PARP8: variants seen among roughly 807,000 people sequenced by gnomAD.
PARP8 encodes the protein poly(ADP-ribose) polymerase family member 8, also known as protein mono-ADP-ribosyltransferase PARP8.
A neutral mutation model predicts 124.1 loss-of-function variants in PARP8; 51 were observed. The ratio of observed to expected loss-of-function variants is 0.41; its 90% CI spans 0.33 to 0.52. The LOEUF is 0.52. Among genes scored for constraint, PARP8 ranks in the 20% least tolerant of loss-of-function variants. The probability of loss-of-function intolerance (pLI) is 0.21; values close to 1 mark genes in which losing one functional copy is unlikely to be tolerated. For synonymous variants in PARP8, 391 were observed against 361.5 expected, an observed-to-expected ratio of 1.08 and a Z score of -0.93; for missense variants, 860 against 1,018.9, an observed-to-expected ratio of 0.84 and a Z score of 2.12.
At chr5:50,788,941 C>A (rs1561382102) in intron 10 of PARP8, among the ~76,000 whole-genome samples, 1 of 152,032 alleles carries the variant, frequency 6.6e-6, no homozygotes, top group Non-Finnish European at 1.5e-5. Context: ...GCTCTGGTTT[C>A]CTTCCTAGGA....
At position 50,826,734 on chromosome 5, in the gene PARP8, A is replaced by T. The variant is rs182264432; in HGVS notation, c.1929-21A>T. ...ATATATTTGGCATGTATTTGTGACT[A>T]ATGGATCATTTTAATTTCAGGGTTA... On this transcript the variant is annotated intron_variant, in intron 18 of 25. Transcript: ENST00000281631. The T allele has an allele frequency of 1.1e-4, 168 of 1,575,456 alleles. No homozygotes were observed. The East Asian group carries it at 3.7e-3, about 35-fold the overall frequency.
intron 3 of PARP8, among the ~76,000 whole-genome samples, chr5:50,754,146 T>TATATATATAC (rs1561331500): frequency 4.7e-5 from 1 of 21,424 alleles, no homozygotes; most frequent in Non-Finnish European, 1.1e-4. Flanking sequence ...TATATATATA[T>TATATATATAC]ATATACACAC....
intron 7 of PARP8, among the ~76,000 whole-genome samples, chr5:50,770,179 T>C (rs1761460518): frequency 6.6e-6 from 1 of 152,184 alleles, no homozygotes; most frequent in Non-Finnish European, 1.5e-5. Flanking sequence ...TACTTAACTA[T>C]TTCCTTATTA....
chr5:50,808,200 C>T (rs999374596), intron 14 of PARP8, among the ~76,000 whole-genome samples: 5 of 151,568 alleles, frequency 3.3e-5, no homozygotes, highest in African/African-American at 7.3e-5. Flanking sequence ...ATCAAAAATG[C>T]GTCTGTGACC....
intron 3 of PARP8, among the ~76,000 whole-genome samples, chr5:50,754,832 C>T (rs924653473): frequency 2.0e-5 from 3 of 152,148 alleles, no homozygotes; most frequent in Non-Finnish European, 4.4e-5. Context: ...TCTCCACATC[C>T]TCTCCAGCAC....
chr5:50,709,809 G>C (rs1330337288), intron 2 of PARP8, among the ~76,000 whole-genome samples: 2 of 150,586 alleles, frequency 1.3e-5, no homozygotes, highest in African/African-American at 4.9e-5. Flanking sequence ...AATAGACAAA[G>C]AGTCAGAGAT....
In PARP8 at chr5:50,794,908, G is replaced by A; in HGVS notation, c.919G>A (p.Glu307Lys). Residue 307 changes from glutamate to lysine, a missense_variant, in exon 12 of 26, where the codon GAG becomes AAG. By Grantham distance (56) the Glu-to-Lys change is moderately conservative. This residue lies in a region of PARP8 where 517 missense variants were observed against 544.2 expected (regional missense o/e 0.95). Coordinates refer to ENST00000281631, the MANE Select transcript of PARP8 (RefSeq NM_024615.4). Reference sequence around the variant, plus strand: ...CAAAAGCAAATCCAAACTGAAATCTGAGCAGGACGGAATCTCCAAAACGCA... The same window carrying A: ...CAAAAGCAAATCCAAACTGAAATCTAAGCAGGACGGAATCTCCAAAACGCA... ...CGKSKSKLKS[E>K]QDGISKTHKL... 6.2e-7 allele frequency: 1 copy of A among 1,614,168 alleles called. No individual in the cohort carries two copies. Among genetic ancestry groups the A allele is most frequent in the South Asian group, 1.1e-5 (1 of 91,076 alleles).
intron 17 of PARP8, among the ~76,000 whole-genome samples, chr5:50,823,434 A>T (rs1745990901): frequency 6.6e-6 from 1 of 152,208 alleles, no homozygotes; most frequent in African/African-American, 2.4e-5. Context: ...CCTTTAATTC[A>T]CAAATGTTAT....
At position 50,837,919 on chromosome 5, in the gene PARP8, C is replaced by G. The variant is rs184863980; in HGVS notation, c.2462+2904C>G. Among the ~76,000 whole-genome samples, 50 of 152,054 alleles carry G rather than the reference C, an allele frequency of 3.3e-4. 1 individual carries two copies. In the East Asian group the frequency reaches 7.2e-3, roughly 22 times the overall value. Reference sequence around the variant, plus strand: ...ATAGATCAGATGTTATGAACAGATCCAAGCCAATTCCTAGTTTCTAGAAAC... The same window carrying G: ...ATAGATCAGATGTTATGAACAGATCGAAGCCAATTCCTAGTTTCTAGAAAC... On this transcript the variant is annotated intron_variant, in intron 25 of 25. Coordinates refer to ENST00000281631, the MANE Select transcript of PARP8 (RefSeq NM_024615.4).
At chr5:50,812,997 C>G (rs1304827225) in intron 14 of PARP8, among the ~76,000 whole-genome samples, 2 of 151,652 alleles carry the variant, frequency 1.3e-5, no homozygotes, top group African/African-American at 2.4e-5. Flanking sequence ...GTTACTGTAG[C>G]CTTGTAGTAT....
rs1229690756 is a variant in PARP8 at position 50,679,656 on chromosome 5, C to T, written c.146+11531C>T. ...AGTGGCGCATCCTGGTTTTACCCAA[C>T]AGGCAAGTGGTGACTCCAATGCAGG... On this transcript the variant is annotated intron_variant, in intron 2 of 25. Coordinates refer to ENST00000281631, the MANE Select transcript of PARP8 (RefSeq NM_024615.4). 4.6e-5 allele frequency among the ~76,000 whole-genome samples: 7 copies of T among 152,214 alleles called. No individual in the cohort carries two copies. In the East Asian group the frequency reaches 1.4e-3, roughly 29 times the overall value.
chr5:50,828,172 G>A, intron 20 of PARP8, 116 bp downstream of exon 20: 2 of 1,112,550 alleles, frequency 1.8e-6, no homozygotes, highest in South Asian at 2.7e-5. Flanking sequence ...TCATTCAACA[G>A]ATGGTCATGT....
chr5:50,772,111 C>G (rs1200592851), intron 7 of PARP8, among the ~76,000 whole-genome samples: 1 of 152,146 alleles, frequency 6.6e-6, no homozygotes, highest in African/African-American at 2.4e-5. Context: ...GTTTGTCTTT[C>G]TTTTCCTGGC....
chr5:50,742,673 G>A lies in PARP8; in HGVS notation c.147-7478G>A, dbSNP rs189432252. Among the ~76,000 whole-genome samples, 173 of 152,306 alleles carry A rather than the reference G, an allele frequency of 1.1e-3. 1 individual carries two copies. The highest frequency in any genetic ancestry group is 4.0e-3 in the African/African-American group (168 of 41,568). On this transcript the variant is annotated intron_variant, in intron 2 of 25. Coordinates refer to ENST00000281631, the MANE Select transcript of PARP8 (RefSeq NM_024615.4). Reference sequence around the variant, plus strand: ...AAAGTAAGGGGGTTTATGAAGAATGGGTTTCTCAGGTTACTGAGCAGAGTT... The same window carrying A: ...AAAGTAAGGGGGTTTATGAAGAATGAGTTTCTCAGGTTACTGAGCAGAGTT...
At position 50,795,216 on chromosome 5, in the gene PARP8, G is replaced by T. The variant is rs1742401087; in HGVS notation, c.1227G>T (p.Arg409Ser). The T allele has an allele frequency of 1.2e-6, 2 of 1,614,004 alleles. No individual in the cohort carries two copies. The highest frequency in any genetic ancestry group is 1.7e-6 in the Non-Finnish European group (2 of 1,180,020). ...TNLKPHKLLS[R>S]SYSSNLRMEE... The stretch of plus-strand genomic sequence containing the variant: ...TGAAGCCCCATAAACTGTTAAGCAG[G>T]TCTTACTCTAGTAATCTCAGAATGG... The change falls in exon 12 of 26, where the codon AGG becomes AGT. Residue 409 changes from arginine (R) to serine (S), a missense_variant. Around this residue, in one of 2 missense-constraint regions of PARP8, gnomAD observed 517 missense variants for 544.2 expected, o/e 0.95. Coordinates refer to ENST00000281631, the MANE Select transcript of PARP8 (RefSeq NM_024615.4).
chr5:50,750,708 T>C (rs575868892), intron 3 of PARP8, among the ~76,000 whole-genome samples: 14 of 152,128 alleles, frequency 9.2e-5, no homozygotes, highest in Non-Finnish European at 1.8e-4. Context: ...TTTTATAAGA[T>C]CGTTACATTT....
chr5:50,718,427 ATATGTGTGTG>A (rs1755537716), intron 2 of PARP8, among the ~76,000 whole-genome samples: 1 of 151,824 alleles, frequency 6.6e-6, no homozygotes, highest in Admixed American at 6.6e-5. Context: ...ATATGTACAC[ATATGTGTGTG>A]TATGTGTGTG....
chr5:50,783,003 T>C (rs1300704201), intron 9 of PARP8, among the ~76,000 whole-genome samples: 1 of 152,062 alleles, frequency 6.6e-6, no homozygotes, highest in Non-Finnish European at 1.5e-5. Flanking sequence ...CAGGGAAATC[T>C]TACAGGTTCT....
chr5:50,765,398 G>C (rs1333481714), intron 7 of PARP8, among the ~76,000 whole-genome samples: 1 of 152,096 alleles, frequency 6.6e-6, no homozygotes, highest in Non-Finnish European at 1.5e-5. Context: ...TATAGATGAA[G>C]GTCTTTTTTT....
Sources: gnomAD v4.1 joint callset for allele counts (sites outside exome capture counted in the v4.1 genomes callset) on GRCh38, gnomAD v4.1.1 for gene constraint, gnomAD v4.1.1 regional missense constraint, MANE v1.5 for transcripts, NCBI Gene and HGNC (gene_info 2026-07-23, HGNC 2026-07-21) for gene names.